The following ANO3 variants were observed in gnomAD, a reference collection of about 807,000 sequenced individuals.
ANO3 encodes anoctamin-3.
Under a neutral mutation model 144.8 loss-of-function variants are expected in ANO3, and 99 were observed. The ratio of observed to expected loss-of-function variants is 0.68; its 90% CI spans 0.58 to 0.81. ANO3 has a LOEUF of 0.81. Among genes scored for constraint, ANO3 ranks in the 30% least tolerant of loss-of-function variants. The probability of loss-of-function intolerance (pLI) is 0.00; values close to 1 mark genes in which losing one functional copy is unlikely to be tolerated. For missense variants in ANO3, 905 were observed against 1,202.2 expected (o/e 0.75, Z 3.66); for synonymous variants, 414 against 392.6 (o/e 1.05, Z -0.64).
intron 1 of ANO3, among the ~76,000 whole-genome samples, chr11:26,252,073 A>G (rs887578701): frequency 1.3e-5 from 2 of 152,204 alleles, no homozygotes; most frequent in Non-Finnish European, 2.9e-5. Flanking sequence ...CAATAATTTA[A>G]ATACATAACC....
intron 16 of ANO3, 119 bp from the exon 17 acceptor site, chr11:26,599,431 C>G: frequency 9.8e-7 from 1 of 1,023,532 alleles, no homozygotes. Flanking sequence ...TCTAGATATC[C>G]TTTCTTGGAA....
chr11:26,547,339 G>C, intron 11 of ANO3, 77 bp from the exon 12 acceptor site: 1 of 1,448,996 alleles, frequency 6.9e-7, no homozygotes, highest in Non-Finnish European at 9.6e-7. Flanking sequence ...CTGAAATTCT[G>C]ACTAGGTGTG....
In ANO3 at chr11:26,660,356, T is replaced by G; in HGVS notation, c.2858T>G (p.Val953Gly). Residue 953 changes from valine to glycine, a missense_variant, in exon 27 of 27, where the codon GTT (valine) becomes GGT (glycine). Transcript: ENST00000256737. ...CGAATACGACGAGAGAAGTACTTAG[T>G]TCAAGAAATGATGTATGAGGCTGAA... is the stretch of plus-strand genomic sequence containing the variant. ...HDRIRREKYL[V>G]QEMMYEAELE... 1.2e-6 allele frequency: 2 copies of G among 1,613,436 alleles called. No individual in the cohort carries two copies. Among genetic ancestry groups the G allele is most frequent in the Non-Finnish European group, 1.7e-6 (2 of 1,179,640 alleles).
intron 1 of ANO3, among the ~76,000 whole-genome samples, chr11:26,214,523 A>G (rs997509943): frequency 8.5e-5 from 13 of 152,120 alleles, no homozygotes; most frequent in African/African-American, 2.6e-4. Flanking sequence ...AATATCAGAA[A>G]TAGTTTGACT....
At chr11:26,501,972 A>G (rs975699934) in intron 4 of ANO3, among the ~76,000 whole-genome samples, 2 of 152,116 alleles carry the variant, frequency 1.3e-5, no homozygotes, top group African/African-American at 4.8e-5. Flanking sequence ...TTTATCTTGT[A>G]ACAACTCATT....
chr11:26,509,331 T>C (rs966973768), intron 5 of ANO3, among the ~76,000 whole-genome samples: 9 of 151,946 alleles, frequency 5.9e-5, no homozygotes, highest in Non-Finnish European at 1.2e-4. Flanking sequence ...TTTTTTTTTC[T>C]GTGAGACTGA....
At chr11:26,621,611 A>T (rs1215708228) in intron 17 of ANO3, among the ~76,000 whole-genome samples, 2 of 152,080 alleles carry the variant, frequency 1.3e-5, no homozygotes, top group Non-Finnish European at 2.9e-5. Context: ...ATTTTCCCTC[A>T]GAGCACTTTT....
chr11:26,318,218 T>G (rs181861104), intron 1 of ANO3, among the ~76,000 whole-genome samples: 1 of 152,292 alleles, frequency 6.6e-6, no homozygotes, highest in East Asian at 1.9e-4. Flanking sequence ...GTAACAAACC[T>G]GCATGTTCTG....
chr11:26,566,926 A>G, intron 14 of ANO3: 1 of 837,446 alleles, frequency 1.2e-6, no homozygotes, highest in South Asian at 5.4e-5. Flanking sequence ...CAGCACTCTA[A>G]ACAAGATCTA....
chr11:26,634,252 T>TGAAC lies in ANO3; in HGVS notation c.1923_1924insAACG (p.Phe642AsnfsTer32). On this transcript the variant is annotated frameshift_variant, in exon 19 of 27. Coordinates refer to ENST00000256737, the MANE Select transcript of ANO3 (RefSeq NM_031418.4). LOFTEE classifies it high-confidence loss of function. ...TGGGAAAACAGCTTCGCCCTGAAGATGTTCCTCTTCCAGTTTGTCAATTTA... is the reference window on the plus strand; with the variant it reads ...TGGGAAAACAGCTTCGCCCTGAAGATGAACGTTCCTCTTCCAGTTTGTCAATTTA... 6.2e-7 allele frequency: 1 copy of TGAAC among 1,614,040 alleles called. No homozygotes were observed. Among genetic ancestry groups the TGAAC allele is most frequent in the Non-Finnish European group, 8.5e-7 (1 of 1,179,964 alleles).
At chr11:26,553,970 CTACT>C (rs753820493) in intron 13 of ANO3, among the ~76,000 whole-genome samples, 5 of 152,042 alleles carry the variant, frequency 3.3e-5, no homozygotes, top group Non-Finnish European at 7.4e-5. Flanking sequence ...TGAAATGTAC[CTACT>C]TAAAGTGTAT....
chr11:26,595,711 TC>T (rs1851605935), intron 14 of ANO3, among the ~76,000 whole-genome samples: 2 of 152,132 alleles, frequency 1.3e-5, no homozygotes, highest in African/African-American at 4.8e-5. Context: ...AAGATTGAAA[TC>T]CCCTGTTAGG....
chr11:26,295,066 TTTG>T (rs760800574), intron 1 of ANO3, among the ~76,000 whole-genome samples: 3 of 151,534 alleles, frequency 2.0e-5, no homozygotes, highest in Admixed American at 1.3e-4. Context: ...GCCAGGGTAA[TTTG>T]TTGTTGTTGT....
intron 1 of ANO3, among the ~76,000 whole-genome samples, chr11:26,313,810 A>G (rs947014213): frequency 6.6e-6 from 1 of 151,208 alleles, no homozygotes; most frequent in African/African-American, 2.4e-5. Flanking sequence ...TGCTATGTAA[A>G]TGTATGCTTT....
At chr11:26,449,506 C>T (rs575287537) in intron 3 of ANO3, among the ~76,000 whole-genome samples, 485 of 44,400 alleles carry the variant, frequency 0.011, 2 homozygotes, top group African/African-American at 0.024. Context: ...CACACACACA[C>T]ACACACACAC....
At chr11:26,437,138 C>T (rs1333883638) in intron 1 of ANO3, among the ~76,000 whole-genome samples, 7 of 152,174 alleles carry the variant, frequency 4.6e-5, no homozygotes, top group Admixed American at 3.9e-4. Context: ...GAAAGAAGGG[C>T]CTGCAGACCA....
chr11:26,382,719 C>G (rs1214359976), intron 1 of ANO3, among the ~76,000 whole-genome samples: 3 of 152,018 alleles, frequency 2.0e-5, no homozygotes, highest in African/African-American at 7.2e-5. Context: ...GTTTCTTCCT[C>G]CTTTAGGATG....
chr11:26,611,952 T>C (rs1353064479), intron 17 of ANO3, among the ~76,000 whole-genome samples: 1 of 152,154 alleles, frequency 6.6e-6, no homozygotes, highest in East Asian at 1.9e-4. Context: ...TGCATTTGCA[T>C]GGAATATCTT....
intron 4 of ANO3, among the ~76,000 whole-genome samples, chr11:26,488,467 C>T (rs548594261): frequency 6.6e-6 from 1 of 152,092 alleles, no homozygotes; most frequent in Non-Finnish European, 1.5e-5. Flanking sequence ...AGCCGGGGAC[C>T]CTTGTGGTGA....
Sources: gnomAD v4.1 joint callset for allele counts (sites outside exome capture counted in the v4.1 genomes callset) on GRCh38, gnomAD v4.1.1 for gene constraint, MANE v1.5 for transcripts, NCBI Gene and HGNC (gene_info 2026-07-23, HGNC 2026-07-21) for gene names.